Variants in PCDHGA6 observed in about 807,000 individuals in gnomAD.
PCDHGA6 encodes protocadherin gamma-A6.
In PCDHGA6, 41 loss-of-function variants were observed where a neutral mutation model predicts 60.6. The ratio of observed to expected loss-of-function variants is 0.68; its 90% CI spans 0.53 to 0.88. The LOEUF (loss-of-function observed/expected upper bound fraction) is 0.88. Ranked by LOEUF, PCDHGA6 falls within the 40% of genes least tolerant of loss-of-function variation. PCDHGA6 has a pLI of 0.00. For missense variants in PCDHGA6, 1,312 were observed against 1,203.0 expected (o/e 1.09, Z -1.34); for synonymous variants, 594 against 524.4 (o/e 1.13, Z -1.81).
chr5:141,418,969 A>C, intron 1 of PCDHGA6: 1 of 1,614,028 alleles, frequency 6.2e-7, no homozygotes, highest in Non-Finnish European at 8.5e-7. Flanking sequence ...CCCTCTTCAA[A>C]ACACGGGACC....
At chr5:141,384,407 C>G (rs1198473919) in intron 1 of PCDHGA6, 1 of 1,613,956 alleles carries the variant, frequency 6.2e-7, no homozygotes, top group South Asian at 1.1e-5. Context: ...CCAGTGTCCT[C>G]CTATGTCTCC....
At chr5:141,420,062 T>G (rs759817545) in intron 1 of PCDHGA6, 1 of 1,614,066 alleles carries the variant, frequency 6.2e-7, no homozygotes, top group Non-Finnish European at 8.5e-7. Context: ...CTGCTCCAAG[T>G]CCGGACCTGT....
At chr5:141,467,064 T>C (rs1289790911) in intron 1 of PCDHGA6, among the ~76,000 whole-genome samples, 2 of 151,724 alleles carry the variant, frequency 1.3e-5, no homozygotes, top group Middle Eastern at 3.2e-3. Context: ...TCTTTTTTTT[T>C]TTTTTTTAGA....
chr5:141,414,942 C>T, intron 1 of PCDHGA6: 3 of 1,614,126 alleles, frequency 1.9e-6, no homozygotes, highest in Non-Finnish European at 1.7e-6. Context: ...CAGAGCCCGG[C>T]TACCTGGTGA....
chr5:141,505,925 C>T (rs1161562658), intron 3 of PCDHGA6, among the ~76,000 whole-genome samples: 4 of 152,140 alleles, frequency 2.6e-5, no homozygotes, highest in Admixed American at 1.3e-4. Context: ...CTGGGCCTGG[C>T]GCTTGGAAGC....
At chr5:141,502,093 G>C (rs1037154464) in intron 2 of PCDHGA6, among the ~76,000 whole-genome samples, 27 of 152,112 alleles carry the variant, frequency 1.8e-4, no homozygotes, top group Admixed American at 1.7e-3. Flanking sequence ...AGAACACCTG[G>C]CCTTGACCCT....
chr5:141,389,789 C>A (rs1437335316), intron 1 of PCDHGA6: 4 of 1,613,328 alleles, frequency 2.5e-6, no homozygotes, highest in African/African-American at 2.7e-5. Flanking sequence ...ACAGGGACGC[C>A]GTCCGCCAGC....
chr5:141,414,776 T>G (rs766689016), intron 1 of PCDHGA6: 14 of 1,614,212 alleles, frequency 8.7e-6, no homozygotes, highest in Non-Finnish European at 1.1e-5. Context: ...GAGCTACAGA[T>G]GCAGGTGACA....
intron 1 of PCDHGA6, chr5:141,389,409 A>G: frequency 6.2e-7 from 1 of 1,613,590 alleles, no homozygotes; most frequent in Admixed American, 1.7e-5. Context: ...AAGCGCGGAG[A>G]GCGGGGTGGT....
intron 2 of PCDHGA6, among the ~76,000 whole-genome samples, chr5:141,503,269 C>A (rs1161751693): frequency 6.6e-6 from 1 of 152,116 alleles, no homozygotes; most frequent in Non-Finnish European, 1.5e-5. Context: ...ACCCCAGCAC[C>A]TGGCTCTGTG....
chr5:141,505,283 G>A, intron 2 of PCDHGA6, 110 bp from the exon 3 acceptor site: 5 of 1,547,446 alleles, frequency 3.2e-6, no homozygotes, highest in Non-Finnish European at 3.5e-6. Flanking sequence ...ACAGGTCTTG[G>A]GCATGGGGTA....
chr5:141,390,118 C>A (rs1031170621), intron 1 of PCDHGA6: 2 of 1,613,918 alleles, frequency 1.2e-6, no homozygotes, highest in African/African-American at 2.7e-5. Context: ...AGCGAGGGGA[C>A]TTTGCCTTAT....
chr5:141,403,419 A>G, intron 1 of PCDHGA6: 1 of 1,614,050 alleles, frequency 6.2e-7, no homozygotes, highest in Non-Finnish European at 8.5e-7. Context: ...CCACTTCCAG[A>G]AGCTATTGAT....
rs762413220 is a variant in PCDHGA6 at position 141,403,196 on chromosome 5, G to T, written c.2424+26689G>T. 1.9e-6 allele frequency: 3 copies of T among 1,613,986 alleles called. No individual in the cohort carries two copies. The South Asian group carries it at 3.3e-5, about 18-fold the overall frequency. ...GCTTTTCTCTCTGAACCCGCGCAGC[G>T]GCACCTTGGTCACCGCGGGTAGGAT... is the stretch of plus-strand genomic sequence containing the variant. On this transcript the variant is annotated intron_variant, in intron 1 of 3. Transcript: ENST00000517434.
At chr5:141,423,750 TGGGGGGGG>T in intron 1 of PCDHGA6, 1 of 287,524 alleles carries the variant, frequency 3.5e-6, no homozygotes, top group Non-Finnish European at 4.5e-6. Flanking sequence ...GAAAACTGTT[TGGGGGGGG>T]GGTGGGGCGG....
intron 1 of PCDHGA6, among the ~76,000 whole-genome samples, chr5:141,380,225 C>T (rs1000476704): frequency 6.6e-6 from 1 of 152,124 alleles, no homozygotes; most frequent in Non-Finnish European, 1.5e-5. Context: ...TCTGATCAGG[C>T]TTCTGTTGAG....
intron 1 of PCDHGA6, chr5:141,419,779 GC>G: frequency 1.2e-6 from 2 of 1,614,064 alleles, no homozygotes; most frequent in African/African-American, 2.7e-5. Context: ...CGGTCCGCCA[GC>G]GCCTGCTAGT....
At chr5:141,422,604 T>C in intron 1 of PCDHGA6, 1 of 1,614,030 alleles carries the variant, frequency 6.2e-7, no homozygotes, top group Non-Finnish European at 8.5e-7. Flanking sequence ...CCTCTTACTC[T>C]GCCTACATTC....
chr5:141,374,920 T>A lies in PCDHGA6; in HGVS notation c.837T>A (p.Tyr279Ter). ...AAGGAGTCCACGGGGAAGTAACTTATTCCTTTGTGAAGATTACAGAAAAGA... is the reference window on the plus strand; with the variant it reads ...AAGGAGTCCACGGGGAAGTAACTTAATCCTTTGTGAAGATTACAGAAAAGA... ...QDEGVHGEVTYSFVKITEKIS... is the reference protein window; with the variant it reads ...QDEGVHGEVT The change falls in exon 1 of 4, where the codon TAT becomes TAA. Residue 279 changes from tyrosine to a stop codon, truncating the protein, a stop_gained. Transcript: ENST00000517434. LOFTEE classifies it high-confidence loss of function. 17 of 1,613,964 alleles carry A rather than the reference T, an allele frequency of 1.1e-5. No individual in the cohort carries two copies. Among genetic ancestry groups the A allele is most frequent in the Non-Finnish European group, 1.4e-5 (17 of 1,179,906 alleles).
Sources: gnomAD v4.1 joint callset for allele counts (sites outside exome capture counted in the v4.1 genomes callset) on GRCh38, gnomAD v4.1.1 for gene constraint, MANE v1.5 for transcripts, NCBI Gene and HGNC (gene_info 2026-07-23, HGNC 2026-07-21) for gene names.